Variants in SEL1L2 observed in about 807,000 individuals in gnomAD.
SEL1L2 encodes SEL1L2 adaptor subunit of SYVN1 ubiquitin ligase.
Under a neutral mutation model 98.8 loss-of-function variants are expected in SEL1L2, and 89 were observed. The ratio of observed to expected loss-of-function variants is 0.90; its 90% CI spans 0.76 to 1.07. The LOEUF (loss-of-function observed/expected upper bound fraction) is 1.07, where lower values mean the gene tolerates loss of function less well. SEL1L2 is among the 50% of genes least tolerant of loss of function. The pLI is 0.00. For missense variants in SEL1L2, 788 were observed against 812.0 expected, an observed-to-expected ratio of 0.97 and a Z score of 0.36; for synonymous variants, 262 against 278.5, an observed-to-expected ratio of 0.94 and a Z score of 0.59.
At position 13,932,627 on chromosome 20, in the gene SEL1L2, C is replaced by T. The variant is rs145135046; in HGVS notation, c.115-856G>A. Reference sequence around the variant, plus strand: ...TTGTATTTTTAATAAAGACAGGTTTCACCATGTTGACCAGGCTGTTCTCGA... The same window carrying T: ...TTGTATTTTTAATAAAGACAGGTTTTACCATGTTGACCAGGCTGTTCTCGA... On this transcript the variant is annotated intron_variant, in intron 2 of 19. Transcript: ENST00000284951. Among the ~76,000 whole-genome samples the T allele has an allele frequency of 1.3e-4, 20 of 152,080 alleles. 1 individual carries two copies. The highest frequency in any genetic ancestry group is 3.4e-3 in the Middle Eastern group (1 of 294).
chr20:13,885,248 A>G (rs1449115366), intron 10 of SEL1L2, 99 bp downstream of exon 10: 1 of 784,832 alleles, frequency 1.3e-6, no homozygotes, highest in African/African-American at 1.7e-5. Context: ...TTTCTGAGCA[A>G]CTCTTCCACC....
chr20:13,928,347 G>C (rs901165721), intron 3 of SEL1L2: 2 of 152,242 alleles, frequency 1.3e-5, no homozygotes, highest in African/African-American at 4.8e-5. Flanking sequence ...AGAGCAGGAG[G>C]GGGTGTTTAC....
At chr20:13,989,779 T>C (rs1215359710) in intron 1 of SEL1L2, among the ~76,000 whole-genome samples, 1 of 152,236 alleles carries the variant, frequency 6.6e-6, no homozygotes, top group Non-Finnish European at 1.5e-5. Flanking sequence ...GGTAAACCAA[T>C]CTTACATTTC....
chr20:13,956,559 T>A (rs1389009838), intron 1 of SEL1L2, among the ~76,000 whole-genome samples: 1 of 152,126 alleles, frequency 6.6e-6, no homozygotes, highest in Non-Finnish European at 1.5e-5. Flanking sequence ...CATCCATATG[T>A]CAGAGAGATA....
chr20:13,941,895 T>G (rs1321242), intron 2 of SEL1L2, among the ~76,000 whole-genome samples: 60,015 of 152,130 alleles, frequency 0.39, 12,130 homozygotes, highest in South Asian at 0.48. Flanking sequence ...AGTCACTTAC[T>G]TTTCCTAGGG....
chr20:13,927,174 A>G (rs572938994), intron 3 of SEL1L2, among the ~76,000 whole-genome samples: 1 of 152,340 alleles, frequency 6.6e-6, no homozygotes, highest in Admixed American at 6.5e-5. Flanking sequence ...ATAAAATACT[A>G]TCCAAATGTA....
At chr20:13,919,593 G>GA (rs2048561911) in intron 3 of SEL1L2, among the ~76,000 whole-genome samples, 1 of 152,178 alleles carries the variant, frequency 6.6e-6, no homozygotes, top group Non-Finnish European at 1.5e-5. Flanking sequence ...GATGACCAGT[G>GA]TGCACCTAGG....
intron 2 of SEL1L2, among the ~76,000 whole-genome samples, chr20:13,952,973 C>T (rs569568290): frequency 6.6e-6 from 1 of 152,222 alleles, no homozygotes; most frequent in East Asian, 1.9e-4. Flanking sequence ...GCAGTGAAAG[C>T]CTTCTTTTTT....
At chr20:13,969,544 A>G (rs866412311) in intron 1 of SEL1L2, among the ~76,000 whole-genome samples, 5 of 152,154 alleles carry the variant, frequency 3.3e-5, no homozygotes, top group Admixed American at 6.6e-5. Flanking sequence ...CTTCTATCTG[A>G]CAATTTAAGC....
chr20:13,902,988 G>C (rs909026399), intron 5 of SEL1L2, among the ~76,000 whole-genome samples: 1 of 151,690 alleles, frequency 6.6e-6, no homozygotes, highest in East Asian at 1.9e-4. Context: ...CACTGGTAGC[G>C]GGGGCTGTAG....
chr20:13,972,878 C>T (rs535011126), intron 1 of SEL1L2, among the ~76,000 whole-genome samples: 11 of 152,204 alleles, frequency 7.2e-5, no homozygotes, highest in Admixed American at 7.2e-4. Context: ...CGGGTCTTTT[C>T]CCAGTGTTCT....
chr20:13,986,577 A>C (rs2052194413), intron 1 of SEL1L2, among the ~76,000 whole-genome samples: 2 of 152,118 alleles, frequency 1.3e-5, no homozygotes. Context: ...TGAGCACTTC[A>C]TTTTTTTATG....
At chr20:13,966,436 A>G (rs983574236) in intron 1 of SEL1L2, among the ~76,000 whole-genome samples, 18 of 152,070 alleles carry the variant, frequency 1.2e-4, no homozygotes, top group African/African-American at 4.3e-4. Flanking sequence ...CTCCTGCCTC[A>G]GCCTCTTGAG....
intron 1 of SEL1L2, among the ~76,000 whole-genome samples, chr20:13,980,249 T>C (rs1050720528): frequency 6.6e-6 from 1 of 152,188 alleles, no homozygotes; most frequent in African/African-American, 2.4e-5. Context: ...AGAGTCTTGC[T>C]TTGTTGCCCA....
chr20:13,962,104 G>A (rs966822800), intron 1 of SEL1L2, among the ~76,000 whole-genome samples: 1 of 152,120 alleles, frequency 6.6e-6, no homozygotes, highest in African/African-American at 2.4e-5. Flanking sequence ...GGGCAATTTT[G>A]GGAGGATGAG....
chr20:13,983,864 C>G (rs1210828698), intron 1 of SEL1L2, among the ~76,000 whole-genome samples: 1 of 151,786 alleles, frequency 6.6e-6, no homozygotes, highest in Non-Finnish European at 1.5e-5. Context: ...TCCACTAACT[C>G]CTTCCCTGGT....
intron 10 of SEL1L2, among the ~76,000 whole-genome samples, chr20:13,877,891 T>G (rs2046509670): frequency 6.6e-6 from 1 of 152,208 alleles, no homozygotes; most frequent in Non-Finnish European, 1.5e-5. Context: ...TAGGGTGAGA[T>G]GAATCCCAGC....
rs1447026364 is a variant in SEL1L2 at position 13,915,909 on chromosome 20, T to C, written c.387-1965A>G. On this transcript the variant is annotated intron_variant, in intron 4 of 19. Transcript: ENST00000284951. The stretch of plus-strand genomic sequence containing the variant: ...GTCTGGCATTGGACGCTTAGGTGGG[T>C]GATGGGGGAGGAAGGGCTCAATGCT... 4.6e-5 allele frequency among the ~76,000 whole-genome samples: 7 copies of C among 152,040 alleles called. No individual in the cohort carries two copies. In the East Asian group the frequency reaches 1.4e-3, roughly 29 times the overall value.
At chr20:13,877,631 A>G (rs771674811) in intron 10 of SEL1L2, 43 bp from the exon 11 acceptor site, 3 of 1,492,874 alleles carry the variant, frequency 2.0e-6, no homozygotes, top group Non-Finnish European at 1.9e-6. Context: ...CACAAAATAA[A>G]TCCTTCAAAA....
Sources: allele counts gnomAD v4.1 joint callset (sites outside exome capture counted in the v4.1 genomes callset), GRCh38; gene constraint gnomAD v4.1.1; transcripts MANE v1.5; gene names NCBI Gene and HGNC (gene_info 2026-07-23, HGNC 2026-07-21).